Variants in TMEM131 observed in about 807,000 individuals in gnomAD.
The protein encoded by TMEM131 is transmembrane protein 131, also known as 2610524E03Rik.
TMEM131 carries 66 observed loss-of-function variants against 211.6 expected under a neutral mutation model. That is an observed-to-expected ratio of 0.31 (90% CI 0.26 to 0.38). TMEM131 has a LOEUF of 0.38. Ranked by LOEUF, TMEM131 falls within the 10% of genes least tolerant of loss-of-function variation. The pLI is 1.00. For synonymous variants in TMEM131, 844 were observed against 841.3 expected (o/e 1.00, Z -0.06); for missense variants, 2,036 against 2,299.3 (o/e 0.89, Z 2.34).
chr2:97,791,908 G>C (rs1396431788), intron 31 of TMEM131, among the ~76,000 whole-genome samples: 2 of 152,150 alleles, frequency 1.3e-5, no homozygotes, highest in African/African-American at 4.8e-5. Context: ...TGAAAGCTGA[G>C]GATATACCAA....
intron 18 of TMEM131, 26 bp downstream of exon 18, chr2:97,811,102 G>C: frequency 4.0e-6 from 6 of 1,506,116 alleles, no homozygotes; most frequent in Non-Finnish European, 5.5e-6. Context: ...AAACCCCACT[G>C]CCATGAATCC....
At chr2:97,933,044 G>A (rs1420865072) in intron 1 of TMEM131, among the ~76,000 whole-genome samples, 1 of 152,182 alleles carries the variant, frequency 6.6e-6, no homozygotes, top group Non-Finnish European at 1.5e-5. Context: ...ATGTTGTACA[G>A]GCTTGCAGTC....
rs902184674 is a variant in TMEM131, at chr2:97,989,635, AAAAT to A, written c.187+5837_187+5840del. On this transcript the variant is annotated intron_variant, in intron 1 of 40. Transcript: ENST00000186436. ...TGTGTTTTTTTCACCAAGTTTCTAG[AAAAT>A]AAATAAATGAAAATAAATAAAAACG... 3.3e-5 allele frequency among the ~76,000 whole-genome samples: 5 copies of A among 152,172 alleles called. 1 individual carries two copies. In the South Asian group the frequency reaches 8.3e-4, roughly 25 times the overall value.
chr2:97,884,062 T>C (rs971027618), intron 4 of TMEM131, among the ~76,000 whole-genome samples: 10 of 152,202 alleles, frequency 6.6e-5, no homozygotes, highest in Admixed American at 2.0e-4. Flanking sequence ...TTTATTGTTA[T>C]ATAAATTTGC....
Position 97,775,469 on chromosome 2 carries a change from G to T in TMEM131, c.4320+374C>A, listed in dbSNP as rs1193091104. On this transcript the variant is annotated intron_variant, in intron 32 of 40. Coordinates refer to ENST00000186436, the MANE Select transcript of TMEM131 (RefSeq NM_015348.2). The stretch of plus-strand genomic sequence containing the variant: ...GGAAAAACACAACCTAATTAAAATG[G>T]TAGAGTTCCTTCTCATTCTTTTGAT... 2.0e-5 allele frequency among the ~76,000 whole-genome samples: 3 copies of T among 152,210 alleles called. No homozygotes were observed. The East Asian group carries it at 5.8e-4, about 29-fold the overall frequency.
chr2:97,985,171 T>C (rs924355841), intron 1 of TMEM131, among the ~76,000 whole-genome samples: 1 of 152,264 alleles, frequency 6.6e-6, no homozygotes, highest in African/African-American at 2.4e-5. Flanking sequence ...ACTTAAGGTA[T>C]TTTTCTCTTA....
chr2:97,820,432 A>G (rs1001167212), intron 11 of TMEM131, among the ~76,000 whole-genome samples: 9 of 152,176 alleles, frequency 5.9e-5, no homozygotes, highest in Non-Finnish European at 1.2e-4. Context: ...ACTTTTTCCA[A>G]AGAGAGGAAA....
chr2:97,911,647 T>C, intron 2 of TMEM131: 1 of 985,340 alleles, frequency 1.0e-6, no homozygotes, highest in Non-Finnish European at 1.2e-6. Flanking sequence ...TTGTGAAAGA[T>C]AAGCAGATAC....
intron 5 of TMEM131, among the ~76,000 whole-genome samples, chr2:97,855,245 T>A (rs1673793084): frequency 6.6e-6 from 1 of 152,226 alleles, no homozygotes; most frequent in Non-Finnish European, 1.5e-5. Context: ...TTTTACTTAG[T>A]GATACAGTGC....
intron 1 of TMEM131, among the ~76,000 whole-genome samples, chr2:97,973,902 TAAAAC>T (rs1182835590): frequency 6.6e-6 from 1 of 152,154 alleles, no homozygotes; most frequent in African/African-American, 2.4e-5. Context: ...AACTGCATCT[TAAAAC>T]AAAGCTCAAG....
At chr2:97,932,142 A>T (rs1477103576) in intron 1 of TMEM131, among the ~76,000 whole-genome samples, 3 of 61,648 alleles carry the variant, frequency 4.9e-5, no homozygotes, top group Non-Finnish European at 4.3e-5. Context: ...ACCCTGTCTT[A>T]AAAAAAAAAA....
intron 1 of TMEM131, among the ~76,000 whole-genome samples, chr2:97,936,858 T>C (rs1002999315): frequency 6.6e-6 from 1 of 152,158 alleles, no homozygotes; most frequent in Non-Finnish European, 1.5e-5. Context: ...TACTGAATAA[T>C]TTAATTCAGC....
chr2:97,886,084 T>C (rs1040744446), intron 4 of TMEM131, among the ~76,000 whole-genome samples: 13 of 152,134 alleles, frequency 8.5e-5, no homozygotes, highest in Admixed American at 7.2e-4. Flanking sequence ...ATTTCACTCA[T>C]TGAATTCTTC....
intron 4 of TMEM131, among the ~76,000 whole-genome samples, chr2:97,864,402 A>G (rs1197767539): frequency 6.6e-6 from 1 of 152,220 alleles, no homozygotes; most frequent in Non-Finnish European, 1.5e-5. Flanking sequence ...GGTAACACAA[A>G]AGATAAATGA....
intron 1 of TMEM131, among the ~76,000 whole-genome samples, chr2:97,966,277 C>CA (rs1228940578): frequency 2.6e-5 from 4 of 151,906 alleles, no homozygotes; most frequent in African/African-American, 9.7e-5. Context: ...TCGACTCAGA[C>CA]AAAATCTTTC....
At chr2:97,910,650 T>C (rs537826656) in intron 2 of TMEM131, among the ~76,000 whole-genome samples, 2 of 152,360 alleles carry the variant, frequency 1.3e-5, no homozygotes, top group East Asian at 1.9e-4. Flanking sequence ...TTTTTAATGA[T>C]TGCCATTCTA....
At chr2:97,928,889 A>G (rs896094749) in intron 1 of TMEM131, among the ~76,000 whole-genome samples, 3 of 151,840 alleles carry the variant, frequency 2.0e-5, no homozygotes, top group Admixed American at 1.3e-4. Flanking sequence ...GTAAGAATTC[A>G]TGTTTAGTGA....
In TMEM131 at chr2:97,969,604, C is replaced by T. The variant is rs985572015; in HGVS notation, c.187+25872G>A. Among the ~76,000 whole-genome samples the T allele has an allele frequency of 3.3e-5, 5 of 152,148 alleles. 1 individual carries two copies. The highest frequency in any genetic ancestry group is 3.3e-4 in the Admixed American group (5 of 15,270). On this transcript the variant is annotated intron_variant, in intron 1 of 40. Coordinates refer to ENST00000186436, the MANE Select transcript of TMEM131 (RefSeq NM_015348.2). The stretch of plus-strand genomic sequence containing the variant: ...GTCTTCCCAGGCTACTATTCTAAGG[C>T]CTTAGAGTACTTATTCTGCTATGAG...
chr2:97,938,028 C>A (rs1486660749), intron 1 of TMEM131, among the ~76,000 whole-genome samples: 1 of 152,140 alleles, frequency 6.6e-6, no homozygotes, highest in African/African-American at 2.4e-5. Flanking sequence ...CTGAAAGAAG[C>A]ACTAAACATG....
Sources: gnomAD v4.1 joint callset for allele counts (sites outside exome capture counted in the v4.1 genomes callset) on GRCh38, gnomAD v4.1.1 for gene constraint, MANE v1.5 for transcripts, NCBI Gene and HGNC (gene_info 2026-07-23, HGNC 2026-07-21) for gene names.